Variants in ANKRD36C observed in about 807,000 individuals in gnomAD.
ANKRD36C encodes the protein ankyrin repeat domain-containing protein 36C.
In ANKRD36C, 61 loss-of-function variants were observed where a neutral mutation model predicts 276.4. The ratio of observed to expected loss-of-function variants is 0.22; its 90% CI spans 0.18 to 0.27. The LOEUF (loss-of-function observed/expected upper bound fraction) is 0.27. ANKRD36C is among the 10% of genes least tolerant of loss of function. The pLI is 1.00. For synonymous variants in ANKRD36C, 483 were observed against 680.1 expected (o/e 0.71, Z 4.51); for missense variants, 1,447 against 2,032.3 (o/e 0.71, Z 5.54).
intron 48 of ANKRD36C, 42 bp downstream of exon 68, chr2:95,889,757 T>C (rs772704904): frequency 5.8e-6 from 9 of 1,549,262 alleles, no homozygotes; most frequent in Non-Finnish European, 7.9e-6. Flanking sequence ...AGATCTCTTC[T>C]ATCTTGAACG....
intron 59 of ANKRD36C, chr2:95,875,901 T>A: frequency 3.1e-6 from 1 of 325,986 alleles, no homozygotes; most frequent in Non-Finnish European, 6.1e-6. Context: ...GGTGCCATTC[T>A]GCAAGGTATA....
chr2:95,891,788 A>C (rs1245328974), intron 45 of ANKRD36C, 44 bp downstream of exon 65: 5 of 1,559,756 alleles, frequency 3.2e-6, no homozygotes, highest in Non-Finnish European at 4.3e-6. Context: ...TGTTTCATAG[A>C]CTATACATTT....
chr2:95,885,907 G>A (rs1196299026), intron 52 of ANKRD36C, 141 bp downstream of exon 72: 21 of 1,469,126 alleles, frequency 1.4e-5, no homozygotes, highest in East Asian at 4.9e-5. Flanking sequence ...AGGGTCACCC[G>A]AGGACTTATT....
chr2:95,925,558 A>C lies in ANKRD36C; in HGVS notation c.1940-11T>G. The C allele has an allele frequency of 6.5e-7, 1 of 1,541,624 alleles. No individual in the cohort carries two copies. Among genetic ancestry groups the C allele is most frequent in the Admixed American group, 1.9e-5 (1 of 51,392 alleles). ...GTTTCTGAGGAGACACTGAAAAGTA[A>C]AAGAAATATATAATTCATCATATGT... On this transcript the variant is annotated splice_polypyrimidine_tract_variant and intron_variant, in intron 28 of 66. Transcript: ENST00000456556.
Position 95,884,395 on chromosome 2 carries a change from A to T in ANKRD36C, c.3164-27T>A, listed in dbSNP as rs750846434. ...TGAAAAGCAAAAGGGATACATAATC[A>T]CCCACATGCACGTATGATAAAGTTA... is the stretch of plus-strand genomic sequence containing the variant. On this transcript the variant is annotated intron_variant, in intron 52 of 66. Transcript: ENST00000456556. The T allele has an allele frequency of 5.1e-5, 82 of 1,610,526 alleles. No homozygotes were observed. The South Asian group carries it at 9.0e-4, about 18-fold the overall frequency.
intron 42 of ANKRD36C, among the ~76,000 whole-genome samples, chr2:95,909,986 T>C (rs1021060334): frequency 6.6e-6 from 1 of 151,298 alleles, no homozygotes; most frequent in African/African-American, 2.4e-5. Context: ...GTACGGGTTA[T>C]TACAACAAGT....
At chr2:95,886,064 T>C in exon 52 of ANKRD36C, 2 of 1,611,124 alleles carry the variant, frequency 1.2e-6, no homozygotes, top group East Asian at 2.2e-5. Flanking sequence ...CACGTATTTG[T>C]CCATCCTTTA....
chr2:95,855,904 G>T (rs1308140512), exon 63 of ANKRD36C: 8 of 1,613,744 alleles, frequency 5.0e-6, no homozygotes, highest in East Asian at 2.2e-5. Flanking sequence ...CTCTCTCTTT[G>T]CTTCTCCAGT....
intron 44 of ANKRD36C, 92 bp from the exon 63 acceptor site, chr2:95,893,816 C>A (rs1676450095): frequency 6.3e-7 from 1 of 1,587,672 alleles, no homozygotes; most frequent in Non-Finnish European, 8.5e-7. Context: ...ACTCTGTCCT[C>A]CTGCCTGTAT....
chr2:95,850,911 A>T (rs531170434), downstream of ANKRD36C, among the ~76,000 whole-genome samples: 8 of 152,320 alleles, frequency 5.3e-5, no homozygotes, highest in East Asian at 1.5e-3. Flanking sequence ...AGAAAAGTGT[A>T]GGGCCAGAAA....
intron 46 of ANKRD36C, among the ~76,000 whole-genome samples, chr2:95,890,675 A>G (rs59534363): frequency 0.082 from 12,487 of 151,562 alleles, 814 homozygotes; most frequent in East Asian, 0.18. Flanking sequence ...ATTAGCCTCA[A>G]TAAAGATATC....
exon 62 of ANKRD36C, chr2:95,857,441 G>A: frequency 6.3e-7 from 1 of 1,595,766 alleles, no homozygotes; most frequent in East Asian, 2.2e-5. Context: ...TAACTTTTTG[G>A]TGCAACTCTT....
Position 95,978,182 on chromosome 2 carries a change from CA to C in ANKRD36C, c.738del (p.Phe246LeufsTer3), listed in dbSNP as rs2104531790. On this transcript the variant is annotated frameshift_variant, in exon 6 of 67. Transcript: ENST00000456556. LOFTEE classifies it high-confidence loss of function. ...TTTCTTTCATATTCATAAATTAGTT[CA>C]AAAATGCTATGCATAAAAATAAATG... 8.8e-7 allele frequency: 1 copy of C among 1,138,540 alleles called. No homozygotes were observed. Among genetic ancestry groups the C allele is most frequent in the Non-Finnish European group, 1.2e-6 (1 of 809,908 alleles). The allele number at this position is 1,138,540 out of a possible 1,614,324, so 70.5% of individuals were successfully genotyped here. A position where few individuals can be genotyped will look rare whatever the true frequency, so the allele number is the denominator to read the frequency against.
intron 44 of ANKRD36C, among the ~76,000 whole-genome samples, 193 bp from the exon 61 acceptor site, chr2:95,895,783 T>C (rs1196197884): frequency 6.6e-6 from 1 of 151,006 alleles, no homozygotes; most frequent in Admixed American, 6.6e-5. Flanking sequence ...CTCCATGAAA[T>C]ATACCCTTAC....
At chr2:95,862,249 A>G (rs1337644594) in intron 60 of ANKRD36C, among the ~76,000 whole-genome samples, 1 of 152,102 alleles carries the variant, frequency 6.6e-6, no homozygotes, top group Non-Finnish European at 1.5e-5. Context: ...CCCACGGAAC[A>G]CTTACCAAAA....
chr2:95,924,436 A>C (rs1436555746), intron 30 of ANKRD36C, among the ~76,000 whole-genome samples: 1 of 151,634 alleles, frequency 6.6e-6, no homozygotes, highest in Admixed American at 6.6e-5. Context: ...GATATTAATA[A>C]ACTTTTACGT....
intron 60 of ANKRD36C, among the ~76,000 whole-genome samples, chr2:95,864,863 G>A (rs1558620252): frequency 6.6e-6 from 1 of 151,984 alleles, no homozygotes; most frequent in Non-Finnish European, 1.5e-5. Context: ...ACAACCTTTG[G>A]TCTATGAAGA....
intron 37 of ANKRD36C, 44 bp downstream of exon 39, chr2:95,916,099 G>C (rs552280703): frequency 1.2e-6 from 2 of 1,604,154 alleles, no homozygotes; most frequent in South Asian, 1.1e-5. Flanking sequence ...TGTTTCATAG[G>C]CTATACGTTT....
intron 44 of ANKRD36C, among the ~76,000 whole-genome samples, chr2:95,892,441 C>A (rs1478728484): frequency 2.0e-5 from 3 of 151,508 alleles, no homozygotes; most frequent in Non-Finnish European, 4.4e-5. Context: ...ATCTCTCACA[C>A]CCATATGGTG....
Sources: allele counts gnomAD v4.1 joint callset (sites outside exome capture counted in the v4.1 genomes callset), GRCh38; gene constraint gnomAD v4.1.1; transcripts MANE v1.5; gene names NCBI Gene and HGNC (gene_info 2026-07-23, HGNC 2026-07-21).